Variants in PLEKHA7 observed in about 807,000 individuals in gnomAD.
PLEKHA7 encodes pleckstrin homology domain-containing family A member 7.
A neutral mutation model predicts 170.0 loss-of-function variants in PLEKHA7; 104 were observed. That is an observed-to-expected ratio of 0.61 (90% CI 0.52 to 0.72). The LOEUF (loss-of-function observed/expected upper bound fraction) is 0.72, where lower values mean the gene tolerates loss of function less well. Among genes scored for constraint, PLEKHA7 ranks in the 30% least tolerant of loss-of-function variants. The pLI is 0.00. For synonymous variants in PLEKHA7, 648 were observed against 660.8 expected (o/e 0.98, Z 0.30); for missense variants, 1,615 against 1,671.7 (o/e 0.97, Z 0.59).
chr11:16,962,845 GCAA>G (rs1184241581), intron 3 of PLEKHA7, among the ~76,000 whole-genome samples: 5 of 152,122 alleles, frequency 3.3e-5, no homozygotes, highest in East Asian at 1.9e-4. Flanking sequence ...TCTCCCAGAA[GCAA>G]CAACAACAAC....
At chr11:16,856,375 C>T (rs559239025) in intron 4 of PLEKHA7, among the ~76,000 whole-genome samples, 2 of 152,298 alleles carry the variant, frequency 1.3e-5, no homozygotes, top group South Asian at 4.1e-4. Flanking sequence ...ACAACCACAC[C>T]CCCAGCTACA....
rs1860551733 is a variant in PLEKHA7 at position 16,939,754 on chromosome 11, C to T, written c.222-68572G>A. 2.6e-5 allele frequency among the ~76,000 whole-genome samples: 4 copies of T among 152,018 alleles called. No homozygotes were observed. In the South Asian group the frequency reaches 8.3e-4, roughly 31 times the overall value. On this transcript the variant is annotated intron_variant, in intron 3 of 26. Transcript: ENST00000531066. ...CAAACCAATTAGCTTGGCAACATAC[C>T]CTACTCCACCCCAACAAGGCCTTCC...
chr11:16,996,863 G>A (rs2137003341), intron 3 of PLEKHA7, among the ~76,000 whole-genome samples: 1 of 152,192 alleles, frequency 6.6e-6, no homozygotes, highest in South Asian at 2.1e-4. Context: ...GTGAACCTGG[G>A]AGGCAGAGCT....
intron 3 of PLEKHA7, among the ~76,000 whole-genome samples, chr11:16,921,872 T>C (rs1478751826): frequency 1.3e-5 from 2 of 152,208 alleles, no homozygotes; most frequent in African/African-American, 4.8e-5. Context: ...CTCAAAGAGA[T>C]AAAAGGACTC....
At chr11:16,805,566 T>A (rs1403625325) in intron 13 of PLEKHA7, among the ~76,000 whole-genome samples, 7 of 150,576 alleles carry the variant, frequency 4.6e-5, no homozygotes, top group Non-Finnish European at 8.9e-5. Context: ...CCAAGGCGGG[T>A]GAATTATGAG....
chr11:16,879,964 G>A (rs1446344577), intron 3 of PLEKHA7, among the ~76,000 whole-genome samples: 1 of 152,228 alleles, frequency 6.6e-6, no homozygotes, highest in African/African-American at 2.4e-5. Flanking sequence ...GCTACTTGGT[G>A]AATAGAAAGT....
At chr11:16,875,776 G>C (rs1855243848) in intron 3 of PLEKHA7, among the ~76,000 whole-genome samples, 1 of 152,118 alleles carries the variant, frequency 6.6e-6, no homozygotes, top group Admixed American at 6.6e-5. Context: ...AACACATTCA[G>C]CTTGCTAATG....
chr11:16,789,785 G>A lies in PLEKHA7; in HGVS notation c.3146C>T (p.Ala1049Val), dbSNP rs757795839. The A allele has an allele frequency of 1.9e-5, 30 of 1,613,590 alleles. No homozygotes were observed. Among genetic ancestry groups the A allele is most frequent in the African/African-American group, 1.5e-4 (11 of 74,920 alleles). Reference sequence around the variant, plus strand: ...CTCAAGGCCACTCACAGGGAAGGTCGCCTTGCTGCTTTCGGCATTGAGACC... The same window carrying A: ...CTCAAGGCCACTCACAGGGAAGGTCACCTTGCTGCTTTCGGCATTGAGACC... ...RRGLNAESSK[A>V]TFPRPKSALE... The change falls in exon 22 of 27, where the codon GCG becomes GTG. Residue 1049 changes from alanine to valine, a missense_variant. By Grantham distance (64) the Ala-to-Val change is moderately conservative. Coordinates refer to ENST00000531066, the MANE Select transcript of PLEKHA7 (RefSeq NM_001329630.2). This position sits in a 1 kb window ranked among gnomAD's most constrained non-coding sequence, Gnocchi z 4.6.
intron 6 of PLEKHA7, 146 bp downstream of exon 6, chr11:16,854,743 C>T: frequency 1.5e-6 from 1 of 656,284 alleles, no homozygotes. Context: ...GCAAATAATG[C>T]AGTGCAGCAG....
chr11:16,830,932 C>A (rs556140893), intron 9 of PLEKHA7, among the ~76,000 whole-genome samples: 122 of 152,350 alleles, frequency 8.0e-4, no homozygotes, highest in African/African-American at 2.8e-3. Flanking sequence ...TATGTATGTA[C>A]ATGAGTATAT....
At position 16,899,413 on chromosome 11, in the gene PLEKHA7, C is replaced by T. The variant is rs1012852317; in HGVS notation, c.222-28231G>A. On this transcript the variant is annotated intron_variant, in intron 3 of 26. Transcript: ENST00000531066. ...TAGGGAGGCTGAGGAAGGAGAATCG[C>T]TTGAACCTGGGAGGCGGAGGTTGTG... 6.6e-5 allele frequency among the ~76,000 whole-genome samples: 10 copies of T among 152,280 alleles called. No individual in the cohort carries two copies. The South Asian group carries it at 1.4e-3, about 22-fold the overall frequency.
intron 8 of PLEKHA7, among the ~76,000 whole-genome samples, chr11:16,845,587 G>A (rs760223029): frequency 1.6e-4 from 24 of 152,198 alleles, no homozygotes; most frequent in Non-Finnish European, 2.4e-4. Flanking sequence ...GGCTGGTCTC[G>A]AACTCCTGGG....
chr11:16,930,820 T>G (rs1344663107), intron 3 of PLEKHA7, among the ~76,000 whole-genome samples: 2 of 152,196 alleles, frequency 1.3e-5, no homozygotes, highest in East Asian at 3.8e-4. Context: ...CAAACCTGAA[T>G]TTTAAAAATA....
chr11:16,912,704 G>C (rs1462606328), intron 3 of PLEKHA7, among the ~76,000 whole-genome samples: 3 of 152,188 alleles, frequency 2.0e-5, no homozygotes, highest in Non-Finnish European at 2.9e-5. Context: ...TGCTGTGATA[G>C]AGGGGAGGGC....
At chr11:16,871,734 G>A (rs1466658043) in intron 3 of PLEKHA7, among the ~76,000 whole-genome samples, 2 of 152,080 alleles carry the variant, frequency 1.3e-5, no homozygotes, top group Admixed American at 6.5e-5. Context: ...ATTTCAGCAC[G>A]GTGGAGTTTC....
At position 16,849,779 on chromosome 11, in the gene PLEKHA7, T is replaced by C. The variant is rs370205706; in HGVS notation, c.696+1412A>G. On this transcript the variant is annotated intron_variant, in intron 8 of 26. Coordinates refer to ENST00000531066, the MANE Select transcript of PLEKHA7 (RefSeq NM_001329630.2). ...ATGTATCAAAGTACTTCCCATGTCA[T>C]GTTTTAAAGATATAAGGCAACAGTA... Among the ~76,000 whole-genome samples the C allele has an allele frequency of 1.1e-4, 17 of 152,310 alleles. No individual in the cohort carries two copies. The South Asian group carries it at 1.5e-3, about 13-fold the overall frequency.
intron 3 of PLEKHA7, among the ~76,000 whole-genome samples, chr11:16,994,153 TTC>T (rs1361811587): frequency 6.6e-6 from 1 of 152,168 alleles, no homozygotes; most frequent in Non-Finnish European, 1.5e-5. Context: ...AAGTCAGTCT[TTC>T]TCTGTCAGTA....
rs972728921 is a variant in PLEKHA7, at chr11:16,807,083, C to T, written c.2008-3788G>A. 45 of 817,934 alleles carry T rather than the reference C, an allele frequency of 5.5e-5. No homozygotes were observed. In the South Asian group the frequency reaches 6.7e-4, roughly 12 times the overall value. The allele number at this position is 817,934 out of a possible 1,614,324, so 50.7% of individuals were successfully genotyped here. A position where few individuals can be genotyped will look rare whatever the true frequency, so the allele number is the denominator to read the frequency against. ...CAACTGGTTAAGCAAGTGATGAAGT[C>T]GGCACCGAGCCAGAAGCAATGGAAT... On this transcript the variant is annotated intron_variant, in intron 13 of 26. Transcript: ENST00000531066.
chr11:16,980,937 C>A (rs1251394587), intron 3 of PLEKHA7, among the ~76,000 whole-genome samples: 1 of 152,074 alleles, frequency 6.6e-6, no homozygotes, highest in Non-Finnish European at 1.5e-5. Context: ...AAGGGTCTCA[C>A]ATATCAGTGT....
Sources: allele counts gnomAD v4.1 joint callset (sites outside exome capture counted in the v4.1 genomes callset), GRCh38; gene constraint gnomAD v4.1.1; non-coding constraint Gnocchi (gnomAD v3.1); transcripts MANE v1.5; gene names NCBI Gene and HGNC (gene_info 2026-07-23, HGNC 2026-07-21).